SLC6A11: variants seen among roughly 807,000 people sequenced by gnomAD.
SLC6A11 encodes solute carrier family 6 member 11.
SLC6A11 carries 25 observed loss-of-function variants against 74.8 expected under a neutral mutation model. The ratio of observed to expected loss-of-function variants is 0.33; its 90% CI spans 0.24 to 0.47. The LOEUF is 0.47. Among genes scored for constraint, SLC6A11 ranks in the 20% least tolerant of loss-of-function variants. The probability of loss-of-function intolerance (pLI) is 1.00; values close to 1 mark genes in which losing one functional copy is unlikely to be tolerated. For missense variants in SLC6A11, 574 were observed against 837.0 expected, an observed-to-expected ratio of 0.69 and a Z score of 3.88; for synonymous variants, 330 against 330.2, an observed-to-expected ratio of 1.00 and a Z score of 0.01.
intron 6 of SLC6A11, among the ~76,000 whole-genome samples, chr3:10,905,889 A>G (rs1695296105): frequency 6.6e-6 from 1 of 152,228 alleles, no homozygotes; most frequent in African/African-American, 2.4e-5. Context: ...TCAATTGTGA[A>G]AAATAGAAGA....
In SLC6A11 at chr3:10,868,423, G is replaced by A. The variant is rs113604158; in HGVS notation, c.757-6538G>A. On this transcript the variant is annotated intron_variant, in intron 5 of 13. Coordinates refer to ENST00000254488, the MANE Select transcript of SLC6A11 (RefSeq NM_014229.3). ...GGGGGAAAACCACCCCACAATCCCA[G>A]TATTGGGATGTAAATGAGCAATTAG... 1.1e-4 allele frequency among the ~76,000 whole-genome samples: 16 copies of A among 152,358 alleles called. 2 individuals are homozygous for A. Among genetic ancestry groups the A allele is most frequent in the African/African-American group, 3.6e-4 (15 of 41,580 alleles).
chr3:10,838,710 C>T (rs745724641), intron 4 of SLC6A11, among the ~76,000 whole-genome samples: 2 of 152,164 alleles, frequency 1.3e-5, no homozygotes, highest in Non-Finnish European at 2.9e-5. Context: ...GATTGTACCA[C>T]TGCACCCCAG....
Position 10,918,572 on chromosome 3 carries a change from G to A in SLC6A11, c.1120+119G>A. The A allele has an allele frequency of 1.7e-6, 2 of 1,195,840 alleles. No homozygotes were observed. Among genetic ancestry groups the A allele is most frequent in the Non-Finnish European group, 2.3e-6 (2 of 882,196 alleles). The allele number at this position is 1,195,840 out of a possible 1,614,324, so 74.1% of individuals were successfully genotyped here. Reference sequence around the variant, plus strand: ...ATCTCCTGGATTCAGGCCTCAGAAAGGGGCCCCACCATTCATCCACAATCC... The same window carrying A: ...ATCTCCTGGATTCAGGCCTCAGAAAAGGGCCCCACCATTCATCCACAATCC... On this transcript the variant is annotated intron_variant, in intron 8 of 13. Coordinates refer to ENST00000254488, the MANE Select transcript of SLC6A11 (RefSeq NM_014229.3). The surrounding 1 kb of genome is among the most constrained non-coding windows in gnomAD (Gnocchi z 4.5).
At chr3:10,839,084 C>T (rs1213240859) in intron 4 of SLC6A11, among the ~76,000 whole-genome samples, 1 of 152,166 alleles carries the variant, frequency 6.6e-6, no homozygotes, top group African/African-American at 2.4e-5. Context: ...TCCCTGCCAC[C>T]ATCGTAAGGG....
chr3:10,873,981 C>T (rs6770378), intron 5 of SLC6A11, among the ~76,000 whole-genome samples: 1 of 144,136 alleles, frequency 6.9e-6, no homozygotes, highest in Non-Finnish European at 1.5e-5. Flanking sequence ...TGCTACGCTA[C>T]GCTACGCTAC....
chr3:10,921,792 A>T (rs1008596418), intron 8 of SLC6A11, among the ~76,000 whole-genome samples: 2 of 152,242 alleles, frequency 1.3e-5, no homozygotes, highest in Admixed American at 6.5e-5. Flanking sequence ...GAAAAGATAT[A>T]CCATTCAAAC....
At chr3:10,900,884 G>A (rs1051343275) in intron 6 of SLC6A11, among the ~76,000 whole-genome samples, 1 of 152,106 alleles carries the variant, frequency 6.6e-6, no homozygotes, top group Non-Finnish European at 1.5e-5. Flanking sequence ...TGCCTCAGTG[G>A]CTCCTAGCCA....
At chr3:10,819,980 G>A in intron 3 of SLC6A11, 128 bp downstream of exon 3, 1 of 974,920 alleles carries the variant, frequency 1.0e-6, no homozygotes, top group African/African-American at 1.6e-5. Context: ...GGGTAGTCTT[G>A]CTGAAACTGG....
chr3:10,893,212 G>C (rs1695127956), intron 6 of SLC6A11, among the ~76,000 whole-genome samples: 1 of 152,132 alleles, frequency 6.6e-6, no homozygotes, highest in Admixed American at 6.5e-5. Context: ...AACAGATACA[G>C]ACCTCTTTAG....
chr3:10,853,238 G>T (rs1244498399), intron 5 of SLC6A11, among the ~76,000 whole-genome samples: 1 of 152,222 alleles, frequency 6.6e-6, no homozygotes, highest in East Asian at 1.9e-4. Context: ...CCTGTGAGCT[G>T]CCTTGGACAG....
intron 6 of SLC6A11, among the ~76,000 whole-genome samples, chr3:10,911,692 A>G (rs543540048): frequency 3.9e-5 from 6 of 152,292 alleles, no homozygotes; most frequent in African/African-American, 1.4e-4. Flanking sequence ...CCAGGGGCTC[A>G]TGGTCCTTGT....
intron 4 of SLC6A11, among the ~76,000 whole-genome samples, chr3:10,840,046 A>G (rs536657516): frequency 2.6e-5 from 4 of 151,990 alleles, no homozygotes; most frequent in Non-Finnish European, 5.9e-5. Context: ...CATTCCTCCC[A>G]TGGCAGCTAG....
chr3:10,869,042 G>A (rs886168348), intron 5 of SLC6A11, among the ~76,000 whole-genome samples: 6 of 152,204 alleles, frequency 3.9e-5, no homozygotes, highest in African/African-American at 1.4e-4. Context: ...CAGAGTTCCA[G>A]ATCTCAGCCT....
chr3:10,873,213 A>G (rs1246681950), intron 5 of SLC6A11, among the ~76,000 whole-genome samples: 1 of 152,074 alleles, frequency 6.6e-6, no homozygotes, highest in African/African-American at 2.4e-5. Flanking sequence ...CACTGTCTTG[A>G]TTCTTATCCA....
chr3:10,872,186 A>T (rs1157042358), intron 5 of SLC6A11, among the ~76,000 whole-genome samples: 11 of 151,998 alleles, frequency 7.2e-5, no homozygotes, highest in African/African-American at 2.7e-4. Flanking sequence ...ACTTGCTATG[A>T]CCCCCATGTC....
chr3:10,903,780 C>T (rs769787819), intron 6 of SLC6A11, among the ~76,000 whole-genome samples: 8 of 152,256 alleles, frequency 5.3e-5, no homozygotes, highest in South Asian at 2.1e-4. Flanking sequence ...AGAGCCAGGA[C>T]GGTACTGAAG....
chr3:10,920,170 C>A (rs1005239196), intron 8 of SLC6A11, among the ~76,000 whole-genome samples: 1 of 152,144 alleles, frequency 6.6e-6, no homozygotes, highest in African/African-American at 2.4e-5. Context: ...CTCATTTTAT[C>A]ATTGCTTCTG....
At chr3:10,893,888 G>C (rs1695139020) in intron 6 of SLC6A11, among the ~76,000 whole-genome samples, 1 of 152,104 alleles carries the variant, frequency 6.6e-6, no homozygotes, top group African/African-American at 2.4e-5. Context: ...AAGTACGTTG[G>C]CATTGATGTC....
chr3:10,858,956 C>A (rs1337165267), intron 5 of SLC6A11, among the ~76,000 whole-genome samples: 1 of 152,084 alleles, frequency 6.6e-6, no homozygotes, highest in Non-Finnish European at 1.5e-5. Flanking sequence ...GAATGGGCAG[C>A]CCTCGAGGGT....
Sources: gnomAD v4.1 joint callset for allele counts (sites outside exome capture counted in the v4.1 genomes callset) on GRCh38, gnomAD v4.1.1 for gene constraint, Gnocchi (gnomAD v3.1) non-coding constraint, MANE v1.5 for transcripts, NCBI Gene and HGNC (gene_info 2026-07-23, HGNC 2026-07-21) for gene names.